ZNF710: variants seen among roughly 807,000 people sequenced by gnomAD.
ZNF710 encodes the protein zinc finger protein 710.
Under a neutral mutation model 50.6 loss-of-function variants are expected in ZNF710, and 13 were observed. That is an observed-to-expected ratio of 0.26 (90% CI 0.17 to 0.41). The LOEUF (loss-of-function observed/expected upper bound fraction) is 0.41. Ranked by LOEUF, ZNF710 falls within the 10% of genes least tolerant of loss-of-function variation. The probability of loss-of-function intolerance (pLI) is 1.00; values close to 1 mark genes in which losing one functional copy is unlikely to be tolerated. For synonymous variants in ZNF710, 383 were observed against 397.0 expected (o/e 0.96, Z 0.42); for missense variants, 721 against 936.6 (o/e 0.77, Z 3.01).
At chr15:90,053,458 C>T (rs1352739408) in intron 1 of ZNF710, among the ~76,000 whole-genome samples, 1 of 152,020 alleles carries the variant, frequency 6.6e-6, no homozygotes, top group Non-Finnish European at 1.5e-5. Context: ...AAGCCATCCT[C>T]CCACTCAGCC....
At position 90,081,508 on chromosome 15, in the gene ZNF710, C is replaced by T. The variant is rs1359095256; in HGVS notation, c.*1679C>T. On this transcript the variant is annotated 3_prime_UTR_variant, in exon 5 of 5. Transcript: ENST00000268154. ...TGGATCCTTAAGTGAAGGACCAAGC[C>T]AGGCCTCAGGGTGACTGTGATCAGG... 1 of 152,250 alleles carries T rather than the reference C, an allele frequency of 6.6e-6. No individual in the cohort carries two copies. Among genetic ancestry groups the T allele is most frequent in the Non-Finnish European group, 1.5e-5 (1 of 68,076 alleles). The allele number at this position is 152,250 out of a possible 1,614,324, so 9.4% of individuals were successfully genotyped here. A position where few individuals can be genotyped will look rare whatever the true frequency, so the allele number is the denominator to read the frequency against.
Position 90,081,152 on chromosome 15 carries a change from C to T in ZNF710, c.*1323C>T, listed in dbSNP as rs1481642878. 1 of 152,466 alleles carries T rather than the reference C, an allele frequency of 6.6e-6. No homozygotes were observed. Among genetic ancestry groups the T allele is most frequent in the South Asian group, 2.1e-4 (1 of 4,840 alleles). The allele number at this position is 152,466 out of a possible 1,614,324, so 9.4% of individuals were successfully genotyped here. A position where few individuals can be genotyped will look rare whatever the true frequency, so the allele number is the denominator to read the frequency against. The stretch of plus-strand genomic sequence containing the variant: ...CCTGCAGTCGCTGACTTGCTCTGTC[C>T]CATGTCCCATCCTCGGCTGTCAGGG... On this transcript the variant is annotated 3_prime_UTR_variant, in exon 5 of 5. Transcript: ENST00000268154.
Position 90,040,762 on chromosome 15 carries a change from C to T in ZNF710, c.-28-26348C>T, listed in dbSNP as rs559052489. The stretch of plus-strand genomic sequence containing the variant: ...ACCATTTGCAAACTGCTTACTTCCT[C>T]CTTCCTGTTATTTACGTCCATGTTC... On this transcript the variant is annotated intron_variant, in intron 1 of 4. Coordinates refer to ENST00000268154, the MANE Select transcript of ZNF710 (RefSeq NM_198526.4). This position sits in a 1 kb window ranked among gnomAD's most constrained non-coding sequence, Gnocchi z 4.6. 4.1e-4 allele frequency among the ~76,000 whole-genome samples: 63 copies of T among 152,326 alleles called. No individual in the cohort carries two copies. The highest frequency in any genetic ancestry group is 1.5e-3 in the African/African-American group (63 of 41,560).
intron 1 of ZNF710, among the ~76,000 whole-genome samples, chr15:90,008,216 C>G (rs540166185): frequency 1.3e-5 from 2 of 151,836 alleles, no homozygotes; most frequent in African/African-American, 4.8e-5. Flanking sequence ...GTGTATGGCT[C>G]ACAGACCTGA....
intron 1 of ZNF710, among the ~76,000 whole-genome samples, chr15:90,064,017 G>A (rs1419835646): frequency 1.3e-5 from 2 of 152,250 alleles, no homozygotes; most frequent in African/African-American, 4.8e-5. Flanking sequence ...CCAGGGCCAA[G>A]GGGGAAGCAC....
chr15:90,034,575 C>T lies in ZNF710; in HGVS notation c.-28-32535C>T, dbSNP rs755043410. 7.2e-5 allele frequency among the ~76,000 whole-genome samples: 11 copies of T among 152,144 alleles called. No individual in the cohort carries two copies. The highest frequency in any genetic ancestry group is 3.9e-4 in the East Asian group (2 of 5,164). ...GCTGATTAACTCAGTTCCTGGAGGG[C>T]CCTCCCTAGCAGCAGGGGAAGCCTG... is the stretch of plus-strand genomic sequence containing the variant. On this transcript the variant is annotated intron_variant, in intron 1 of 4. Coordinates refer to ENST00000268154, the MANE Select transcript of ZNF710 (RefSeq NM_198526.4). This position sits in a 1 kb window ranked among gnomAD's most constrained non-coding sequence, Gnocchi z 4.0.
intron 1 of ZNF710, among the ~76,000 whole-genome samples, chr15:90,061,788 A>G (rs555345047): frequency 9.8e-5 from 15 of 152,308 alleles, no homozygotes; most frequent in Non-Finnish European, 1.8e-4. Flanking sequence ...AGGTAGGTCA[A>G]TAGTTCCCGT....
At position 90,034,508 on chromosome 15, in the gene ZNF710, T is replaced by A. The variant is rs1483217903; in HGVS notation, c.-28-32602T>A. Among the ~76,000 whole-genome samples the A allele has an allele frequency of 1.3e-5, 2 of 150,044 alleles. No individual in the cohort carries two copies. The highest frequency in any genetic ancestry group is 6.6e-5 in the Admixed American group (1 of 15,050). ...GCCTGTGGTGGTGGTGGCCATGGTG[T>A]CGGCAGCAGCAGGGTTGTCAGGAAA... On this transcript the variant is annotated intron_variant, in intron 1 of 4. Coordinates refer to ENST00000268154, the MANE Select transcript of ZNF710 (RefSeq NM_198526.4). The surrounding 1 kb of genome is among the most constrained non-coding windows in gnomAD (Gnocchi z 4.0).
chr15:90,074,614 T>A, intron 4 of ZNF710: 2 of 924,620 alleles, frequency 2.2e-6, no homozygotes, highest in South Asian at 1.6e-5. Flanking sequence ...ATTGTCATCG[T>A]TTTACAGATG....
At chr15:90,012,112 T>G (rs200360202) in intron 1 of ZNF710, among the ~76,000 whole-genome samples, 1 of 151,380 alleles carries the variant, frequency 6.6e-6, no homozygotes. Context: ...GGCTGAGGCA[T>G]GAGAATCGCT....
intron 1 of ZNF710, among the ~76,000 whole-genome samples, chr15:90,038,478 A>C (rs1349424836): frequency 6.6e-6 from 1 of 152,234 alleles, no homozygotes; most frequent in East Asian, 1.9e-4. Flanking sequence ...GTACGTCAGC[A>C]GGTATCTTTC....
chr15:90,074,604 A>G, intron 4 of ZNF710: 3 of 1,055,540 alleles, frequency 2.8e-6, no homozygotes, highest in Non-Finnish European at 2.5e-6. Context: ...TGGCTCTGTC[A>G]TTGTCATCGT....
rs1203439258 is a variant in ZNF710, at chr15:90,068,437, C to T, written c.1300C>T (p.Leu434Phe). The change falls in exon 2 of 5, where the codon CTC (leucine) becomes TTC (phenylalanine). Residue 434 changes from leucine (L) to phenylalanine (F), a missense_variant. Transcript: ENST00000268154. This position sits in a 1 kb window ranked among gnomAD's most constrained non-coding sequence, Gnocchi z 5.0. The part of the protein sequence containing the change: ...RHLASHQGPT[L>F]YQCLECDKSF... ...CCTGGCCTCCCACCAGGGCCCCACC[C>T]TCTACCAGTGCCTCGAGTGTGACAA... 6.2e-7 allele frequency: 1 copy of T among 1,614,036 alleles called. No homozygotes were observed. Among genetic ancestry groups the T allele is most frequent in the Non-Finnish European group, 8.5e-7 (1 of 1,180,060 alleles).
At chr15:90,071,901 C>T (rs1405895831) in intron 2 of ZNF710, among the ~76,000 whole-genome samples, 1 of 152,062 alleles carries the variant, frequency 6.6e-6, no homozygotes, top group Non-Finnish European at 1.5e-5. Context: ...GTCTCGAACT[C>T]CTGACCTTGT....
At chr15:90,069,882 G>A (rs1900315746) in intron 2 of ZNF710, among the ~76,000 whole-genome samples, 1 of 152,100 alleles carries the variant, frequency 6.6e-6, no homozygotes, top group African/African-American at 2.4e-5. Context: ...TCCTCTGAGA[G>A]GCCCTCATAT....
intron 1 of ZNF710, among the ~76,000 whole-genome samples, chr15:90,057,532 C>G (rs1355153985): frequency 6.6e-6 from 1 of 151,934 alleles, no homozygotes; most frequent in East Asian, 1.9e-4. Context: ...ACCATGTCTA[C>G]TAAAAAATCC....
At chr15:90,026,182 A>G (rs1035756779) in intron 1 of ZNF710, among the ~76,000 whole-genome samples, 3 of 151,818 alleles carry the variant, frequency 2.0e-5, no homozygotes, top group Non-Finnish European at 4.4e-5. Flanking sequence ...TTTTTAAACA[A>G]ACAGTAAAGT....
intron 1 of ZNF710, among the ~76,000 whole-genome samples, chr15:90,052,059 T>G (rs1190293081): frequency 6.6e-6 from 1 of 151,984 alleles, no homozygotes; most frequent in African/African-American, 2.4e-5. Context: ...CTGCTTCTCA[T>G]CTCCCCCTCC....
rs780860970 is a variant in ZNF710, at chr15:90,059,486, G to A, written c.-28-7624G>A. On this transcript the variant is annotated intron_variant, in intron 1 of 4. Coordinates refer to ENST00000268154, the MANE Select transcript of ZNF710 (RefSeq NM_198526.4). This position sits in a 1 kb window ranked among gnomAD's most constrained non-coding sequence, Gnocchi z 4.1. The stretch of plus-strand genomic sequence containing the variant: ...CAGGGCCGGGTATGGTGCGCATCAC[G>A]GGGGTTTGTGGGTTGGTGGCCCTGT... Among the ~76,000 whole-genome samples, 16 of 152,156 alleles carry A rather than the reference G, an allele frequency of 1.1e-4. No individual in the cohort carries two copies. The highest frequency in any genetic ancestry group is 1.8e-4 in the Non-Finnish European group (12 of 68,022).
Sources: gnomAD v4.1 joint callset for allele counts (sites outside exome capture counted in the v4.1 genomes callset) on GRCh38, gnomAD v4.1.1 for gene constraint, Gnocchi (gnomAD v3.1) non-coding constraint, MANE v1.5 for transcripts, NCBI Gene and HGNC (gene_info 2026-07-23, HGNC 2026-07-21) for gene names.